Variants in KIRREL1 observed in about 807,000 individuals in gnomAD.
KIRREL1 encodes kirre like nephrin family adhesion molecule 1.
A neutral mutation model predicts 83.3 loss-of-function variants in KIRREL1; 25 were observed. The ratio of observed to expected loss-of-function variants is 0.30; its 90% CI spans 0.22 to 0.42. KIRREL1 has a LOEUF of 0.42. KIRREL1 is among the 10% of genes least tolerant of loss of function. The pLI is 1.00. For missense variants in KIRREL1, 812 were observed against 1,032.3 expected (o/e 0.79, Z 2.92); for synonymous variants, 388 against 410.4 (o/e 0.95, Z 0.66).
At chr1:158,065,113 T>A (rs1302773371) in intron 1 of KIRREL1, among the ~76,000 whole-genome samples, 1 of 152,004 alleles carries the variant, frequency 6.6e-6, no homozygotes, top group African/African-American at 2.4e-5. Flanking sequence ...GGTTTCAGGG[T>A]CAAGGAGAGA....
At chr1:158,066,237 G>A (rs760052521) in intron 1 of KIRREL1, among the ~76,000 whole-genome samples, 1 of 147,608 alleles carries the variant, frequency 6.8e-6, no homozygotes, top group Non-Finnish European at 1.5e-5. Context: ...AATAAAGAAT[G>A]TTGGAGTGGC....
intron 2 of KIRREL1, among the ~76,000 whole-genome samples, chr1:158,077,618 G>A (rs1661721305): frequency 1.3e-5 from 2 of 152,134 alleles, no homozygotes; most frequent in African/African-American, 2.4e-5. Context: ...TCTGTGCTGC[G>A]ATGCCCTATA....
chr1:158,053,659 A>G (rs907101454), intron 1 of KIRREL1, among the ~76,000 whole-genome samples: 2 of 152,028 alleles, frequency 1.3e-5, no homozygotes, highest in African/African-American at 2.4e-5. Flanking sequence ...GGAATTGATC[A>G]TTTTCCTCCT....
chr1:158,035,799 G>T (rs1490235453), intron 1 of KIRREL1, among the ~76,000 whole-genome samples: 1 of 152,172 alleles, frequency 6.6e-6, no homozygotes, highest in East Asian at 1.9e-4. Context: ...ACAGTGATTG[G>T]ATGTTTGGGT....
chr1:158,057,617 G>C (rs1661100539), intron 1 of KIRREL1, among the ~76,000 whole-genome samples: 1 of 152,304 alleles, frequency 6.6e-6, no homozygotes, highest in Non-Finnish European at 1.5e-5. Context: ...GAAAAGAAAA[G>C]ATGTGTAATA....
chr1:158,065,465 TCCAGGAAAAATTTTGTGCCTGC>T (rs1450892701), intron 1 of KIRREL1, among the ~76,000 whole-genome samples: 1 of 152,094 alleles, frequency 6.6e-6, no homozygotes, highest in Admixed American at 6.5e-5. Context: ...AGGGTTAGAC[TCCAGGAAAAATTTTGTGCCTGC>T]CCAGGAAAAG....
At chr1:158,003,668 A>G (rs1338002417) in intron 1 of KIRREL1, among the ~76,000 whole-genome samples, 1 of 152,210 alleles carries the variant, frequency 6.6e-6, no homozygotes, top group Non-Finnish European at 1.5e-5. Context: ...GTTGGATCCC[A>G]GACTGACGTG....
rs551734221 is a variant in KIRREL1, at chr1:158,036,579, C to T, written c.53-39534C>T. ...CCTTCAAGGAGAGCGGCAAGGTTCA[C>T]GGAGGAGGATGGTGTAAGTTCTCTC... On this transcript the variant is annotated intron_variant, in intron 1 of 14. Transcript: ENST00000359209. Among the ~76,000 whole-genome samples, 4 of 152,174 alleles carry T rather than the reference C, an allele frequency of 2.6e-5. No individual in the cohort carries two copies. In the East Asian group the frequency reaches 5.8e-4, roughly 22 times the overall value.
intron 1 of KIRREL1, among the ~76,000 whole-genome samples, chr1:158,020,199 C>A (rs982939219): frequency 5.3e-5 from 8 of 152,092 alleles, no homozygotes; most frequent in African/African-American, 1.9e-4. Context: ...ATATCCCAGT[C>A]ATCACCTCCG....
At chr1:158,068,887 A>G (rs757127579) in intron 1 of KIRREL1, among the ~76,000 whole-genome samples, 9 of 151,352 alleles carry the variant, frequency 5.9e-5, no homozygotes, top group Non-Finnish European at 1.0e-4. Context: ...GGAGAGATTT[A>G]GTTCCATCTG....
chr1:158,009,835 C>T (rs147492842), intron 1 of KIRREL1, among the ~76,000 whole-genome samples: 1 of 152,176 alleles, frequency 6.6e-6, no homozygotes. Context: ...TTAAACATAG[C>T]GAGTTAAACA....
intron 1 of KIRREL1, among the ~76,000 whole-genome samples, chr1:158,031,996 T>C (rs1007165421): frequency 6.6e-6 from 1 of 152,028 alleles, no homozygotes; most frequent in African/African-American, 2.4e-5. Flanking sequence ...GGTGGAAGGA[T>C]TGCTTGAGCC....
At chr1:158,053,253 G>C (rs1384711170) in intron 1 of KIRREL1, among the ~76,000 whole-genome samples, 1 of 152,162 alleles carries the variant, frequency 6.6e-6, no homozygotes, top group Non-Finnish European at 1.5e-5. Flanking sequence ...CCCCAGTACA[G>C]CACCTGACAC....
chr1:158,052,492 G>A (rs1322801264), intron 1 of KIRREL1, among the ~76,000 whole-genome samples: 1 of 152,022 alleles, frequency 6.6e-6, no homozygotes, highest in Non-Finnish European at 1.5e-5. Flanking sequence ...AAAGAAAAGA[G>A]ATTTATACAG....
chr1:158,021,087 A>C (rs1403798813), intron 1 of KIRREL1, among the ~76,000 whole-genome samples: 1 of 152,172 alleles, frequency 6.6e-6, no homozygotes, highest in Non-Finnish European at 1.5e-5. Context: ...CAACCTAAAA[A>C]TGGCCAATGT....
At chr1:158,040,567 G>A (rs566547365) in intron 1 of KIRREL1, among the ~76,000 whole-genome samples, 7 of 152,358 alleles carry the variant, frequency 4.6e-5, no homozygotes, top group African/African-American at 1.7e-4. Context: ...TTGTCTAGGA[G>A]AATACAAAAG....
intron 1 of KIRREL1, among the ~76,000 whole-genome samples, chr1:158,068,617 C>T (rs1661420191): frequency 6.6e-6 from 1 of 152,220 alleles, no homozygotes; most frequent in South Asian, 2.1e-4. Flanking sequence ...ACTCCCCTCC[C>T]TTCCTCCCTC....
At chr1:158,072,598 G>A (rs990179732) in intron 1 of KIRREL1, among the ~76,000 whole-genome samples, 13 of 152,058 alleles carry the variant, frequency 8.5e-5, no homozygotes, top group African/African-American at 2.7e-4. Flanking sequence ...AGCAGGGGGA[G>A]CAGTGTCCAC....
chr1:157,996,831 C>A (rs1303087056), intron 1 of KIRREL1, among the ~76,000 whole-genome samples: 2 of 152,122 alleles, frequency 1.3e-5, no homozygotes, highest in Non-Finnish European at 2.9e-5. Flanking sequence ...TCACTTAGAC[C>A]CAAAGGGAGG....
Sources: gnomAD v4.1 joint callset for allele counts (sites outside exome capture counted in the v4.1 genomes callset) on GRCh38, gnomAD v4.1.1 for gene constraint, MANE v1.5 for transcripts, NCBI Gene and HGNC (gene_info 2026-07-23, HGNC 2026-07-21) for gene names.